The following RGS3 variants were observed in gnomAD, a reference collection of about 807,000 sequenced individuals.
RGS3 encodes the protein regulator of G protein signaling 3.
Under a neutral mutation model 132.6 loss-of-function variants are expected in RGS3, and 80 were observed. That is an observed-to-expected ratio of 0.60 (90% CI 0.50 to 0.73). RGS3 has a LOEUF of 0.73. RGS3 is among the 30% of genes least tolerant of loss of function. The probability of loss-of-function intolerance (pLI) is 0.00; values close to 1 mark genes in which losing one functional copy is unlikely to be tolerated. For synonymous variants in RGS3, 598 were observed against 620.6 expected (o/e 0.96, Z 0.54); for missense variants, 1,382 against 1,530.8 (o/e 0.90, Z 1.62).
chr9:113,562,401 C>T (rs886113501), intron 19 of RGS3, among the ~76,000 whole-genome samples: 1 of 148,390 alleles, frequency 6.7e-6, no homozygotes, highest in Non-Finnish European at 1.5e-5. Context: ...TGCCTGAATC[C>T]AGGAGGCAGA....
chr9:113,481,561 T>C (rs1264849183), intron 4 of RGS3, among the ~76,000 whole-genome samples: 1 of 152,238 alleles, frequency 6.6e-6, no homozygotes. Context: ...ACTCCAGCTG[T>C]GCAAACAGTT....
At chr9:113,532,407 C>T (rs1255276030) in intron 18 of RGS3, among the ~76,000 whole-genome samples, 2 of 152,014 alleles carry the variant, frequency 1.3e-5, no homozygotes, top group Non-Finnish European at 2.9e-5. Context: ...GCTTAGGTCT[C>T]CCGAAAATGT....
intron 19 of RGS3, among the ~76,000 whole-genome samples, chr9:113,544,551 G>C (rs973779998): frequency 7.2e-5 from 11 of 152,152 alleles, no homozygotes; most frequent in East Asian, 1.9e-4. Context: ...GCACCAAGAG[G>C]GTTTTTGCAA....
intron 11 of RGS3, 46 bp downstream of exon 9, chr9:113,505,569 A>G: frequency 6.8e-7 from 1 of 1,463,690 alleles, no homozygotes; most frequent in Non-Finnish European, 9.6e-7. Context: ...CCCACCACAC[A>G]TGTGGGCTTT....
intron 19 of RGS3, among the ~76,000 whole-genome samples, chr9:113,576,521 G>GTATTTT (rs1834533363): frequency 6.6e-6 from 1 of 151,948 alleles, no homozygotes; most frequent in African/African-American, 2.4e-5. Context: ...TGGTAGAGAC[G>GTATTTT]GGGTTTCACC....
chr9:113,595,473 G>T, intron 23 of RGS3, 126 bp from the exon 22 acceptor site: 1 of 1,048,458 alleles, frequency 9.5e-7, no homozygotes, highest in South Asian at 1.6e-5. Flanking sequence ...CCTGGCTGTC[G>T]GGGACGGGCA....
exon 9 of RGS3, chr9:113,497,374 G>A (rs1229298302): frequency 6.2e-7 from 1 of 1,613,570 alleles, no homozygotes; most frequent in Non-Finnish European, 8.5e-7. Flanking sequence ...GCACTTGAAG[G>A]TGGCCAGGCG....
At chr9:113,498,423 C>T (rs1300346966) in intron 10 of RGS3, among the ~76,000 whole-genome samples, 2 of 152,160 alleles carry the variant, frequency 1.3e-5, no homozygotes, top group Non-Finnish European at 2.9e-5. Context: ...GCCGAATCAC[C>T]CTCCCAGGTT....
At chr9:113,473,279 AC>A (rs1407197877) in intron 3 of RGS3, among the ~76,000 whole-genome samples, 3 of 152,204 alleles carry the variant, frequency 2.0e-5, no homozygotes, top group African/African-American at 7.2e-5. Flanking sequence ...CAAATTTTAA[AC>A]CCATGATAGG....
At chr9:113,449,212 A>G (rs1829185393) in intron 1 of RGS3, among the ~76,000 whole-genome samples, 1 of 152,132 alleles carries the variant, frequency 6.6e-6, no homozygotes, top group Non-Finnish European at 1.5e-5. Context: ...TCAAGATGGG[A>G]GGTGATCAGG....
chr9:113,580,929 C>G, intron 19 of RGS3: 3 of 985,536 alleles, frequency 3.0e-6, no homozygotes, highest in Non-Finnish European at 3.6e-6. Context: ...CTCAGTGCCA[C>G]TCTGTGCCAC....
chr9:113,595,609 A>G (rs749966012), exon 24 of RGS3: 1 of 1,614,164 alleles, frequency 6.2e-7, no homozygotes, highest in South Asian at 1.1e-5. Context: ...ACGGGTTAGC[A>G]GTGTTCCAAG....
intron 19 of RGS3, among the ~76,000 whole-genome samples, chr9:113,553,462 ATATATATAT>A (rs1833438365): frequency 2.8e-5 from 2 of 72,714 alleles, no homozygotes; most frequent in African/African-American, 6.3e-5. Context: ...AAAAAAAAAT[ATATATATAT>A]ATATATATAT....
chr9:113,571,413 G>A (rs1383141480), intron 19 of RGS3, among the ~76,000 whole-genome samples: 9 of 152,128 alleles, frequency 5.9e-5, no homozygotes, highest in Admixed American at 4.6e-4. Flanking sequence ...AACATTATTG[G>A]TATTAGATAT....
At chr9:113,549,767 C>T (rs1833254031) in intron 19 of RGS3, among the ~76,000 whole-genome samples, 1 of 152,192 alleles carries the variant, frequency 6.6e-6, no homozygotes, top group South Asian at 2.1e-4. Flanking sequence ...TCTACAACAT[C>T]ATTTTCAGTG....
chr9:113,503,113 A>C (rs775694153), intron 10 of RGS3, among the ~76,000 whole-genome samples: 2 of 152,210 alleles, frequency 1.3e-5, no homozygotes, highest in Non-Finnish European at 2.9e-5. Context: ...ACCTGGGAGC[A>C]GTGGCTGTTC....
At chr9:113,509,230 A>T (rs1430995491) in intron 14 of RGS3, among the ~76,000 whole-genome samples, 1 of 151,740 alleles carries the variant, frequency 6.6e-6, no homozygotes, top group African/African-American at 2.4e-5. Flanking sequence ...GGTTGCAATG[A>T]GCCGAGATCA....
chr9:113,540,406 C>T (rs549020895), intron 19 of RGS3, among the ~76,000 whole-genome samples: 4 of 152,236 alleles, frequency 2.6e-5, no homozygotes, highest in Admixed American at 6.5e-5. Context: ...AGACCTGGTC[C>T]CTGTCGCTAT....
chr9:113,541,731 G>A, intron 19 of RGS3: 1 of 1,050,886 alleles, frequency 9.5e-7, no homozygotes, highest in Non-Finnish European at 1.1e-6. Context: ...TTCCAGTGGT[G>A]GCTCCCGGAC....
Sources: allele counts gnomAD v4.1 joint callset (sites outside exome capture counted in the v4.1 genomes callset), GRCh38; gene constraint gnomAD v4.1.1; transcripts MANE v1.5; gene names NCBI Gene and HGNC (gene_info 2026-07-23, HGNC 2026-07-21).